Variants in FMNL2 observed in about 807,000 individuals in gnomAD.
The protein encoded by FMNL2 is formin-like protein 2.
In FMNL2, 51 loss-of-function variants were observed where a neutral mutation model predicts 130.2. The ratio of observed to expected loss-of-function variants is 0.39; its 90% CI spans 0.31 to 0.49. FMNL2 has a LOEUF of 0.49. Among genes scored for constraint, FMNL2 ranks in the 20% least tolerant of loss-of-function variants. The pLI, the probability that FMNL2 is intolerant of heterozygous loss-of-function variation, is 0.85. For missense variants in FMNL2, 977 were observed against 1,316.2 expected, an observed-to-expected ratio of 0.74 and a Z score of 3.99; for synonymous variants, 465 against 467.1, an observed-to-expected ratio of 1.00 and a Z score of 0.06.
At chr2:152,496,472 T>G (rs1424761247) in intron 1 of FMNL2, among the ~76,000 whole-genome samples, 3 of 152,176 alleles carry the variant, frequency 2.0e-5, no homozygotes, top group Admixed American at 1.3e-4. Flanking sequence ...AAAGCTATGA[T>G]TTTTCTCTTT....
intron 3 of FMNL2, among the ~76,000 whole-genome samples, chr2:152,548,135 G>A (rs568632678): frequency 2.6e-5 from 4 of 152,326 alleles, no homozygotes; most frequent in African/African-American, 9.6e-5. Flanking sequence ...GGCAGTTCAT[G>A]TCAGGAGGGT....
intron 1 of FMNL2, among the ~76,000 whole-genome samples, chr2:152,367,325 C>T (rs1463675513): frequency 6.6e-6 from 1 of 152,074 alleles, no homozygotes; most frequent in African/African-American, 2.4e-5. Flanking sequence ...ATCCGCCCAC[C>T]TTAGCCTTCC....
chr2:152,613,437 C>G (rs931243277), intron 11 of FMNL2, among the ~76,000 whole-genome samples: 3 of 152,230 alleles, frequency 2.0e-5, no homozygotes, highest in Non-Finnish European at 4.4e-5. Flanking sequence ...AGCTGCTTCT[C>G]CTTTTGTTCT....
intron 1 of FMNL2, among the ~76,000 whole-genome samples, chr2:152,353,042 T>C (rs1188008532): frequency 6.6e-6 from 1 of 152,216 alleles, no homozygotes; most frequent in Non-Finnish European, 1.5e-5. Flanking sequence ...CCTCTTGAGA[T>C]GCTGGGACAC....
At chr2:152,627,704 A>T (rs1038322479) in intron 17 of FMNL2, among the ~76,000 whole-genome samples, 11 of 152,234 alleles carry the variant, frequency 7.2e-5, no homozygotes, top group Non-Finnish European at 7.3e-5. Flanking sequence ...ACTGTAACAA[A>T]TACTTCATTT....
intron 1 of FMNL2, among the ~76,000 whole-genome samples, chr2:152,396,967 A>T (rs1685427935): frequency 6.6e-6 from 1 of 152,232 alleles, no homozygotes; most frequent in African/African-American, 2.4e-5. Context: ...TGCACTTGGC[A>T]TGTTGTTCAC....
rs1487474510 is a variant in FMNL2 at position 152,617,190 on chromosome 2, C to T, written c.1312C>T (p.Arg438Trp). The change falls in exon 13 of 26, where the codon CGG becomes TGG. Residue 438 changes from arginine to tryptophan, a missense_variant and splice_region_variant. Transcript: ENST00000288670. Reference protein sequence around the residue: ...MQRNKELDVVREIYKDANTQV... With the variant: ...MQRNKELDVVWEIYKDANTQV... ...GAGGAACAAGGAGCTGGATGTCGTTCGGGTAAGTGTAATGATGACAACTGC... is the reference window on the plus strand; with the variant it reads ...GAGGAACAAGGAGCTGGATGTCGTTTGGGTAAGTGTAATGATGACAACTGC... 4 of 1,613,662 alleles carry T rather than the reference C, an allele frequency of 2.5e-6. No individual in the cohort carries two copies. Among genetic ancestry groups the T allele is most frequent in the African/African-American group, 1.3e-5 (1 of 74,896 alleles).
chr2:152,358,014 C>T (rs1424077041), intron 1 of FMNL2, among the ~76,000 whole-genome samples: 1 of 152,160 alleles, frequency 6.6e-6, no homozygotes, highest in East Asian at 1.9e-4. Context: ...TCTGGGTGGG[C>T]ACCATCCAAT....
At chr2:152,465,942 A>G (rs1689509656) in intron 1 of FMNL2, among the ~76,000 whole-genome samples, 1 of 152,244 alleles carries the variant, frequency 6.6e-6, no homozygotes, top group Non-Finnish European at 1.5e-5. Context: ...GAAAGTTGCT[A>G]GAAAGGTTGC....
intron 1 of FMNL2, among the ~76,000 whole-genome samples, chr2:152,464,170 C>T (rs1689399236): frequency 6.6e-6 from 1 of 152,152 alleles, no homozygotes; most frequent in Admixed American, 6.5e-5. Context: ...TCTTGAACTC[C>T]TGACCTCAGG....
chr2:152,508,840 A>AC (rs1279776859), intron 1 of FMNL2, among the ~76,000 whole-genome samples: 1 of 151,330 alleles, frequency 6.6e-6, no homozygotes, highest in African/African-American at 2.4e-5. Context: ...GCATCCTGCC[A>AC]CCCCCCGCCC....
Position 152,335,728 on chromosome 2 carries a change from C to G in FMNL2, c.117+8C>G. The G allele has an allele frequency of 6.4e-7, 1 of 1,558,272 alleles. No individual in the cohort carries two copies. The highest frequency in any genetic ancestry group is 1.2e-5 in the South Asian group (1 of 86,014). On this transcript the variant is annotated splice_region_variant and intron_variant, in intron 1 of 25. Coordinates refer to ENST00000288670, the MANE Select transcript of FMNL2 (RefSeq NM_052905.4). ...CGATTTGCCATCGTGCTGGTAAGTG[C>G]GCGGCGGCGGTCGGGCGCGGGGACC...
intron 9 of FMNL2, among the ~76,000 whole-genome samples, chr2:152,604,883 AC>A (rs1478036906): frequency 6.6e-6 from 1 of 152,104 alleles, no homozygotes. Context: ...GGCGAGAACC[AC>A]CGTGCCCAGC....
chr2:152,595,654 GACAA>G (rs1697723010), intron 9 of FMNL2, among the ~76,000 whole-genome samples: 1 of 152,104 alleles, frequency 6.6e-6, no homozygotes, highest in African/African-American at 2.4e-5. Context: ...AGGCGTCCCA[GACAA>G]ATTTGTTTAC....
At chr2:152,560,824 C>T (rs140861989) in intron 5 of FMNL2, 59 bp from the exon 6 acceptor site, 5 of 1,498,174 alleles carry the variant, frequency 3.3e-6, no homozygotes, top group African/African-American at 2.7e-5. Context: ...TATACATGTT[C>T]GTTTATACAT....
intron 6 of FMNL2, among the ~76,000 whole-genome samples, chr2:152,566,618 G>T (rs1369693455): frequency 6.6e-6 from 1 of 152,158 alleles, no homozygotes; most frequent in Non-Finnish European, 1.5e-5. Flanking sequence ...TTTGTAAAGG[G>T]TGCCTTGCCA....
Position 152,335,728 on chromosome 2 carries a change from C to A in FMNL2, c.117+8C>A, listed in dbSNP as rs147562333. On this transcript the variant is annotated splice_region_variant and intron_variant, in intron 1 of 25. Transcript: ENST00000288670. ...CGATTTGCCATCGTGCTGGTAAGTG[C>A]GCGGCGGCGGTCGGGCGCGGGGACC... is the stretch of plus-strand genomic sequence containing the variant. The A allele has an allele frequency of 0.033, 51,069 of 1,558,218 alleles. 993 individuals carry two copies. Among genetic ancestry groups the A allele is most frequent in the Non-Finnish European group, 0.038 (43,806 of 1,153,888 alleles).
chr2:152,498,824 T>C (rs575341669), intron 1 of FMNL2, among the ~76,000 whole-genome samples: 1 of 152,354 alleles, frequency 6.6e-6, no homozygotes, highest in South Asian at 2.1e-4. Flanking sequence ...TGTACTTACC[T>C]GAATGTTCAG....
Position 152,500,538 on chromosome 2 carries a change from T to G in FMNL2, c.118-21405T>G, listed in dbSNP as rs139673894. 3.5e-4 allele frequency among the ~76,000 whole-genome samples: 53 copies of G among 152,228 alleles called. 1 individual carries two copies. Among genetic ancestry groups the G allele is most frequent in the African/African-American group, 1.2e-3 (51 of 41,540 alleles). The stretch of plus-strand genomic sequence containing the variant: ...TCCCCTACCCTCTACCATATCCCAG[T>G]ATCCTAACAATGCCTTAAAATGAGC... On this transcript the variant is annotated intron_variant, in intron 1 of 25. Coordinates refer to ENST00000288670, the MANE Select transcript of FMNL2 (RefSeq NM_052905.4).
Sources: gnomAD v4.1 joint callset for allele counts (sites outside exome capture counted in the v4.1 genomes callset) on GRCh38, gnomAD v4.1.1 for gene constraint, MANE v1.5 for transcripts, NCBI Gene and HGNC (gene_info 2026-07-23, HGNC 2026-07-21) for gene names.